Variants in FHOD3 observed in about 807,000 individuals in gnomAD.
FHOD3 encodes the protein FH1/FH2 domain-containing protein 3.
A neutral mutation model predicts 173.0 loss-of-function variants in FHOD3; 90 were observed. The observed-to-expected ratio is 0.52, with a 90% CI of 0.44 to 0.62. FHOD3 has a LOEUF of 0.62. Ranked by LOEUF, FHOD3 falls within the 20% of genes least tolerant of loss-of-function variation. The pLI, the probability that FHOD3 is intolerant of heterozygous loss-of-function variation, is 0.00. For missense variants in FHOD3, 1,945 were observed against 2,034.7 expected (o/e 0.96, Z 0.85); for synonymous variants, 828 against 823.0 (o/e 1.01, Z -0.10).
At chr18:36,583,646 GC>G (rs2058930435) in intron 6 of FHOD3, among the ~76,000 whole-genome samples, 1 of 152,116 alleles carries the variant, frequency 6.6e-6, no homozygotes, top group African/African-American at 2.4e-5. Context: ...TTAGGTCCCA[GC>G]CCTGCCCCCA....
intron 3 of FHOD3, among the ~76,000 whole-genome samples, chr18:36,457,794 A>G (rs7238355): frequency 0.11 from 16,287 of 152,274 alleles, 1,829 homozygotes; most frequent in African/African-American, 0.27. Flanking sequence ...TCAGGATGTC[A>G]CAGCCTGGAA....
At chr18:36,731,459 G>C (rs1600462140) in intron 20 of FHOD3, among the ~76,000 whole-genome samples, 1 of 152,174 alleles carries the variant, frequency 6.6e-6, no homozygotes, top group Non-Finnish European at 1.5e-5. Flanking sequence ...ATAATGAAAA[G>C]AGTGAGCAGA....
intron 5 of FHOD3, among the ~76,000 whole-genome samples, chr18:36,554,710 A>G (rs2057802191): frequency 1.3e-5 from 2 of 152,246 alleles, no homozygotes; most frequent in Non-Finnish European, 2.9e-5. Context: ...ATCTAGTCCT[A>G]GCGATCCCTT....
At chr18:36,486,801 C>A (rs963198093) in intron 3 of FHOD3, among the ~76,000 whole-genome samples, 6 of 152,200 alleles carry the variant, frequency 3.9e-5, no homozygotes, top group African/African-American at 1.4e-4. Context: ...CATGTATTTT[C>A]CCTATCAATC....
intron 3 of FHOD3, among the ~76,000 whole-genome samples, chr18:36,445,927 A>G (rs1048789922): frequency 6.6e-6 from 1 of 152,210 alleles, no homozygotes; most frequent in African/African-American, 2.4e-5. Flanking sequence ...AAATTCATTG[A>G]GAAACCTTGA....
intron 9 of FHOD3, among the ~76,000 whole-genome samples, chr18:36,623,055 T>C (rs959650697): frequency 3.9e-5 from 6 of 152,264 alleles, no homozygotes; most frequent in Admixed American, 3.9e-4. Context: ...TGATGTTTTG[T>C]TAATTATCTG....
chr18:36,691,499 A>G (rs1057286250), intron 16 of FHOD3, among the ~76,000 whole-genome samples: 1 of 152,092 alleles, frequency 6.6e-6, no homozygotes, highest in African/African-American at 2.4e-5. Flanking sequence ...CTTACCCTTA[A>G]AATTGTTTTC....
intron 5 of FHOD3, among the ~76,000 whole-genome samples, chr18:36,533,875 A>T (rs1011201191): frequency 2.0e-5 from 3 of 152,324 alleles, no homozygotes; most frequent in African/African-American, 7.2e-5. Context: ...TGTTTTTGAG[A>T]AATATCTTCC....
At chr18:36,727,045 G>A (rs760904103) in intron 19 of FHOD3, among the ~76,000 whole-genome samples, 8 of 152,040 alleles carry the variant, frequency 5.3e-5, no homozygotes, top group Non-Finnish European at 1.0e-4. Flanking sequence ...AGAAGCAGGA[G>A]GCGAGTGCTG....
At chr18:36,583,081 T>C (rs893661324) in intron 6 of FHOD3, among the ~76,000 whole-genome samples, 6 of 152,226 alleles carry the variant, frequency 3.9e-5, no homozygotes, top group African/African-American at 1.4e-4. Flanking sequence ...TCCATGCCAT[T>C]GATGAAAATG....
intron 5 of FHOD3, among the ~76,000 whole-genome samples, chr18:36,515,344 AG>A (rs2055908837): frequency 6.6e-6 from 1 of 152,054 alleles, no homozygotes; most frequent in African/African-American, 2.4e-5. Context: ...CAGCCTCCCA[AG>A]TAGCTGGGAC....
At position 36,563,130 on chromosome 18, in the gene FHOD3, G is replaced by C. The variant is rs548710350; in HGVS notation, c.512-13321G>C. ...GTTGAGTAAATTGAGGGTTTTTAAA[G>C]TTAAAATTCTAAAAGTGTTGAAATC... On this transcript the variant is annotated intron_variant, in intron 5 of 28. Coordinates refer to ENST00000590592, the MANE Select transcript of FHOD3 (RefSeq NM_001281740.3). Among the ~76,000 whole-genome samples the C allele has an allele frequency of 8.5e-5, 13 of 152,320 alleles. No individual in the cohort carries two copies. The South Asian group carries it at 2.7e-3, about 32-fold the overall frequency.
intron 3 of FHOD3, among the ~76,000 whole-genome samples, chr18:36,386,002 G>A (rs568000930): frequency 6.6e-6 from 1 of 152,292 alleles, no homozygotes; most frequent in Non-Finnish European, 1.5e-5. Flanking sequence ...CTTTAAAGTT[G>A]AAACGTTATG....
At chr18:36,458,413 C>T (rs901297221) in intron 3 of FHOD3, among the ~76,000 whole-genome samples, 4 of 152,112 alleles carry the variant, frequency 2.6e-5, no homozygotes, top group Non-Finnish European at 5.9e-5. Flanking sequence ...TTTGGCAGCA[C>T]GTACTTCCAA....
chr18:36,660,711 T>C (rs933419286), intron 14 of FHOD3, among the ~76,000 whole-genome samples: 7 of 152,210 alleles, frequency 4.6e-5, no homozygotes, highest in African/African-American at 1.4e-4. Flanking sequence ...CCAAGGAGCC[T>C]GTCTGACATC....
At chr18:36,433,903 A>G (rs2050681802) in intron 3 of FHOD3, among the ~76,000 whole-genome samples, 1 of 152,176 alleles carries the variant, frequency 6.6e-6, no homozygotes, top group South Asian at 2.1e-4. Flanking sequence ...AGTTTAGACA[A>G]ATGTATAGAC....
chr18:36,727,423 T>C (rs1458817528), intron 19 of FHOD3, among the ~76,000 whole-genome samples: 6 of 152,182 alleles, frequency 3.9e-5, no homozygotes, highest in Non-Finnish European at 5.9e-5. Flanking sequence ...CTTGAGTGTT[T>C]AGTAGCATCT....
intron 3 of FHOD3, among the ~76,000 whole-genome samples, chr18:36,440,482 G>A (rs552553613): frequency 6.6e-6 from 1 of 152,244 alleles, no homozygotes; most frequent in Admixed American, 6.5e-5. Flanking sequence ...CGCGCTGCCC[G>A]CCTCCTCTGA....
At chr18:36,730,866 G>T (rs2041321471) in intron 20 of FHOD3, 62 bp downstream of exon 20, 2 of 1,487,912 alleles carry the variant, frequency 1.3e-6, no homozygotes, top group Non-Finnish European at 1.8e-6. Flanking sequence ...ATAATATGCT[G>T]CATGTCCACA....
Sources: allele counts gnomAD v4.1 joint callset (sites outside exome capture counted in the v4.1 genomes callset), GRCh38; gene constraint gnomAD v4.1.1; transcripts MANE v1.5; gene names NCBI Gene and HGNC (gene_info 2026-07-23, HGNC 2026-07-21).